Variants in KCND2 observed in about 807,000 individuals in gnomAD.
The protein encoded by KCND2 is A-type voltage-gated potassium channel KCND2.
Under a neutral mutation model 54.4 loss-of-function variants are expected in KCND2, and 16 were observed. The observed-to-expected ratio is 0.29, with a 90% confidence interval of 0.20 to 0.45. The LOEUF is 0.45. Among genes scored for constraint, KCND2 ranks in the 20% least tolerant of loss-of-function variants. The pLI is 1.00. For synonymous variants in KCND2, 317 were observed against 310.7 expected (o/e 1.02, Z -0.21); for missense variants, 486 against 824.2 (o/e 0.59, Z 5.02).
intron 1 of KCND2, among the ~76,000 whole-genome samples, chr7:120,429,140 G>A (rs184536064): frequency 2.1e-4 from 32 of 152,162 alleles, no homozygotes; most frequent in Admixed American, 5.9e-4. Flanking sequence ...GACCTCTAGG[G>A]GGTCCCTAGG....
intron 1 of KCND2, among the ~76,000 whole-genome samples, chr7:120,439,233 C>T (rs367932572): frequency 1.3e-5 from 2 of 151,982 alleles, no homozygotes; most frequent in East Asian, 1.9e-4. Context: ...CTAGAGCCTA[C>T]CAATTAAACT....
chr7:120,393,329 C>G (rs753934707), intron 1 of KCND2, among the ~76,000 whole-genome samples: 21 of 151,970 alleles, frequency 1.4e-4, no homozygotes, highest in Non-Finnish European at 2.6e-4. Flanking sequence ...TCGGGAGCAC[C>G]ATTAATGTTA....
chr7:120,471,187 GA>G lies in KCND2; in HGVS notation c.1115+195441del, dbSNP rs1448826526. On this transcript the variant is annotated intron_variant, in intron 1 of 5. Transcript: ENST00000331113. Reference sequence around the variant, plus strand: ...CACTATGTTTTAATATCTTAGGAAAGATTACACTTCTTTTCAATTATTACTT... The same window carrying G: ...CACTATGTTTTAATATCTTAGGAAAGTTACACTTCTTTTCAATTATTACTT... Among the ~76,000 whole-genome samples the G allele has an allele frequency of 2.0e-5, 3 of 152,168 alleles. No homozygotes were observed. The South Asian group carries it at 6.2e-4, about 32-fold the overall frequency.
intron 1 of KCND2, among the ~76,000 whole-genome samples, chr7:120,530,586 G>C (rs1220859102): frequency 6.6e-6 from 1 of 151,870 alleles, no homozygotes; most frequent in Non-Finnish European, 1.5e-5. Flanking sequence ...TTAGATTCTT[G>C]GTCATTTCTT....
intron 1 of KCND2, among the ~76,000 whole-genome samples, chr7:120,527,193 A>G (rs1791787190): frequency 6.6e-6 from 1 of 152,180 alleles, no homozygotes; most frequent in African/African-American, 2.4e-5. Context: ...TGATTCAATT[A>G]GCAAGAACAC....
intron 1 of KCND2, among the ~76,000 whole-genome samples, chr7:120,723,911 A>G (rs907643161): frequency 6.6e-6 from 1 of 152,140 alleles, no homozygotes; most frequent in Non-Finnish European, 1.5e-5. Context: ...AGGAAGCATA[A>G]ACAGTGTAGA....
chr7:120,730,255 G>A (rs1214628735), intron 1 of KCND2, among the ~76,000 whole-genome samples: 4 of 152,096 alleles, frequency 2.6e-5, no homozygotes, highest in Non-Finnish European at 5.9e-5. Context: ...GTGTGTGTCT[G>A]TGTATGTACC....
intron 1 of KCND2, among the ~76,000 whole-genome samples, chr7:120,656,960 C>T (rs1210129653): frequency 6.6e-6 from 1 of 152,068 alleles, no homozygotes; most frequent in East Asian, 1.9e-4. Flanking sequence ...TGTATGAGGC[C>T]TCTGGGCCAC....
At chr7:120,631,202 C>T (rs901520432) in intron 1 of KCND2, among the ~76,000 whole-genome samples, 9 of 151,990 alleles carry the variant, frequency 5.9e-5, no homozygotes, top group Admixed American at 5.2e-4. Context: ...TCATCTTTAT[C>T]TATTGAGTCA....
chr7:120,285,652 A>T (rs1174430236), intron 1 of KCND2, among the ~76,000 whole-genome samples: 1 of 151,894 alleles, frequency 6.6e-6, no homozygotes. Context: ...AATGTTTGCA[A>T]TAAAGGGCAG....
At chr7:120,534,230 C>A (rs1791875950) in intron 1 of KCND2, among the ~76,000 whole-genome samples, 1 of 152,086 alleles carries the variant, frequency 6.6e-6, no homozygotes, top group African/African-American at 2.4e-5. Flanking sequence ...AAAACATTAT[C>A]TTATCCATGT....
intron 1 of KCND2, among the ~76,000 whole-genome samples, chr7:120,583,659 A>G (rs558288138): frequency 6.6e-6 from 1 of 152,012 alleles, no homozygotes; most frequent in Non-Finnish European, 1.5e-5. Context: ...AAAGACACCA[A>G]TAATATTAAA....
intron 1 of KCND2, among the ~76,000 whole-genome samples, chr7:120,675,039 A>G (rs919346723): frequency 1.3e-5 from 2 of 151,676 alleles, no homozygotes; most frequent in African/African-American, 4.8e-5. Context: ...AACTTTTTCT[A>G]CCTACCTGCA....
Position 120,274,652 on chromosome 7 carries a change from C to T in KCND2, c.20C>T (p.Ala7Val). ...GTAATCATGGCGGCGGGGGTGGCAGCGTGGCTGCCTTTTGCAAGGGCAGCG... is the reference window on the plus strand; with the variant it reads ...GTAATCATGGCGGCGGGGGTGGCAGTGTGGCTGCCTTTTGCAAGGGCAGCG... Reference protein sequence around the residue: MAAGVAAWLPFARAAAI... With the variant: MAAGVAVWLPFARAAAI... Residue 7 changes from alanine to valine, a missense_variant, in exon 1 of 6, where the codon GCG becomes GTG. Ala to Val is a moderately conservative substitution (Grantham distance 64). Transcript: ENST00000331113. 6.2e-7 allele frequency: 1 copy of T among 1,614,032 alleles called. No homozygotes were observed. Among genetic ancestry groups the T allele is most frequent in the East Asian group, 2.2e-5 (1 of 44,848 alleles).
At chr7:120,283,075 T>G (rs1159499133) in intron 1 of KCND2, among the ~76,000 whole-genome samples, 1 of 152,160 alleles carries the variant, frequency 6.6e-6, no homozygotes, top group Non-Finnish European at 1.5e-5. Flanking sequence ...GGGTTGGCAT[T>G]TAAGCCAATG....
chr7:120,451,193 A>G (rs1223560914), intron 1 of KCND2, among the ~76,000 whole-genome samples: 2 of 152,188 alleles, frequency 1.3e-5, no homozygotes, highest in Non-Finnish European at 2.9e-5. Context: ...AGATTGTTAT[A>G]TGGCCCCTGA....
intron 1 of KCND2, among the ~76,000 whole-genome samples, chr7:120,530,431 GGTGCTTTCTC>G (rs1791829502): frequency 3.3e-5 from 5 of 152,236 alleles, no homozygotes; most frequent in African/African-American, 1.2e-4. Context: ...ATTCAGAGCA[GGTGCTTTCTC>G]ATTATTACCC....
intron 1 of KCND2, among the ~76,000 whole-genome samples, chr7:120,441,415 T>C (rs1801943333): frequency 6.6e-6 from 1 of 152,092 alleles, no homozygotes; most frequent in Non-Finnish European, 1.5e-5. Context: ...ATCTTACTCA[T>C]TTAATTCTTC....
intron 1 of KCND2, among the ~76,000 whole-genome samples, chr7:120,359,842 C>T (rs2116398657): frequency 6.6e-6 from 1 of 152,188 alleles, no homozygotes; most frequent in South Asian, 2.1e-4. Flanking sequence ...AGTGAGTTCT[C>T]ATGAGATCTG....
Sources: allele counts gnomAD v4.1 joint callset (sites outside exome capture counted in the v4.1 genomes callset), GRCh38; gene constraint gnomAD v4.1.1; transcripts MANE v1.5; gene names NCBI Gene and HGNC (gene_info 2026-07-23, HGNC 2026-07-21).